The following LRFN2 variants were observed in gnomAD, a reference collection of about 807,000 sequenced individuals.
LRFN2 encodes the protein leucine-rich repeat and fibronectin type-III domain-containing protein 2.
In LRFN2, 18 loss-of-function variants were observed where a neutral mutation model predicts 37.3. The ratio of observed to expected loss-of-function variants is 0.48; its 90% CI spans 0.33 to 0.72. The LOEUF is 0.72. Among genes scored for constraint, LRFN2 ranks in the 30% least tolerant of loss-of-function variants. The pLI is 0.02. For synonymous variants in LRFN2, 556 were observed against 466.6 expected, an observed-to-expected ratio of 1.19 and a Z score of -2.47; for missense variants, 1,006 against 1,060.7, an observed-to-expected ratio of 0.95 and a Z score of 0.72.
chr6:40,523,988 TGGGAAGGGCAGGGGGAGG>T (rs1766168192), intron 1 of LRFN2: 1 of 9,410 alleles, frequency 1.1e-4, no homozygotes, highest in Non-Finnish European at 1.7e-4. Context: ...GGGGAGGGGC[TGGGAAGGGCAGGGGGAGG>T]GGCTGGGGAG....
At chr6:40,534,758 T>G (rs60898) in intron 1 of LRFN2, among the ~76,000 whole-genome samples, 96,637 of 152,028 alleles carry the variant, frequency 0.64, 31,934 homozygotes, top group African/African-American at 0.82. Context: ...CTGGGCCCAG[T>G]CTTTGGGCAA....
intron 2 of LRFN2, among the ~76,000 whole-genome samples, chr6:40,404,209 T>C (rs1214571541): frequency 1.3e-5 from 2 of 152,346 alleles, no homozygotes; most frequent in East Asian, 1.9e-4. Context: ...TTTATTATGA[T>C]TACTGTTAAT....
intron 1 of LRFN2, among the ~76,000 whole-genome samples, chr6:40,566,982 T>C (rs770194221): frequency 6.6e-6 from 1 of 152,198 alleles, no homozygotes; most frequent in East Asian, 1.9e-4. Context: ...ACTTAAAGTA[T>C]GTTGACAGTA....
intron 1 of LRFN2, among the ~76,000 whole-genome samples, chr6:40,576,783 A>T (rs2113797579): frequency 6.6e-6 from 1 of 152,194 alleles, no homozygotes; most frequent in African/African-American, 2.4e-5. Context: ...CTCTAAGCAG[A>T]CAGTGGCTGG....
At chr6:40,450,550 C>G (rs1764080435) in intron 1 of LRFN2, among the ~76,000 whole-genome samples, 1 of 152,336 alleles carries the variant, frequency 6.6e-6, no homozygotes, top group South Asian at 2.1e-4. Context: ...TGCAACCGTG[C>G]TGGAAGCCTG....
chr6:40,414,210 AG>A (rs911002982), intron 2 of LRFN2, among the ~76,000 whole-genome samples: 1 of 152,134 alleles, frequency 6.6e-6, no homozygotes, highest in African/African-American at 2.4e-5. Flanking sequence ...CCTGCCTCCC[AG>A]GGGGCTATGA....
chr6:40,500,012 C>T (rs925071396), intron 1 of LRFN2, among the ~76,000 whole-genome samples: 4 of 152,270 alleles, frequency 2.6e-5, no homozygotes, highest in African/African-American at 9.6e-5. Context: ...TGGCTACTAC[C>T]TGCCTCCCAT....
chr6:40,454,282 G>A (rs1425123833), intron 1 of LRFN2, among the ~76,000 whole-genome samples: 1 of 152,142 alleles, frequency 6.6e-6, no homozygotes, highest in Non-Finnish European at 1.5e-5. Flanking sequence ...GTGCAAATTA[G>A]ACAAATTCTT....
At chr6:40,418,689 G>A (rs1763150516) in intron 2 of LRFN2, among the ~76,000 whole-genome samples, 1 of 152,154 alleles carries the variant, frequency 6.6e-6, no homozygotes, top group African/African-American at 2.4e-5. Flanking sequence ...CTGCCTCCAA[G>A]CTGTGAGACC....
chr6:40,499,200 T>C (rs1183030114), intron 1 of LRFN2, among the ~76,000 whole-genome samples: 1 of 152,118 alleles, frequency 6.6e-6, no homozygotes, highest in Non-Finnish European at 1.5e-5. Context: ...CCCTCCCTAT[T>C]GGGCCCATGG....
At chr6:40,492,269 G>A (rs896578568) in intron 1 of LRFN2, among the ~76,000 whole-genome samples, 23 of 152,166 alleles carry the variant, frequency 1.5e-4, no homozygotes, top group African/African-American at 5.1e-4. Flanking sequence ...TGAGTGAAGC[G>A]TGAAGGGCGG....
At chr6:40,443,762 G>T (rs1035500866) in intron 1 of LRFN2, among the ~76,000 whole-genome samples, 1 of 152,158 alleles carries the variant, frequency 6.6e-6, no homozygotes, top group East Asian at 1.9e-4. Flanking sequence ...AGAGAGATGT[G>T]GGCAGGGTGG....
intron 1 of LRFN2, among the ~76,000 whole-genome samples, chr6:40,542,642 G>A (rs1276840209): frequency 1.3e-5 from 2 of 152,118 alleles, no homozygotes; most frequent in African/African-American, 2.4e-5. Flanking sequence ...AGATACTAAA[G>A]GACCTTCACA....
At chr6:40,552,080 T>G (rs1462011274) in intron 1 of LRFN2, among the ~76,000 whole-genome samples, 1 of 152,230 alleles carries the variant, frequency 6.6e-6, no homozygotes, top group Non-Finnish European at 1.5e-5. Context: ...TATGTCTTTT[T>G]GTTTCATTCT....
chr6:40,450,696 G>C (rs528393043), intron 1 of LRFN2, among the ~76,000 whole-genome samples: 2 of 152,204 alleles, frequency 1.3e-5, no homozygotes, highest in Admixed American at 6.5e-5. Flanking sequence ...CATTTACTGA[G>C]AACTTACTAC....
intron 1 of LRFN2, among the ~76,000 whole-genome samples, chr6:40,495,613 T>C (rs1156477584): frequency 6.6e-6 from 1 of 152,156 alleles, no homozygotes; most frequent in East Asian, 1.9e-4. Flanking sequence ...TCCTGAAGCC[T>C]CCATCATCTA....
chr6:40,438,102 C>T (rs1028501407), intron 1 of LRFN2, among the ~76,000 whole-genome samples: 16 of 152,096 alleles, frequency 1.1e-4, no homozygotes, highest in South Asian at 8.3e-4. Context: ...TGCAAAGGAG[C>T]GAGAGCTTGT....
intron 1 of LRFN2, among the ~76,000 whole-genome samples, chr6:40,490,972 T>C (rs1029630458): frequency 1.3e-5 from 2 of 152,078 alleles, no homozygotes; most frequent in East Asian, 3.9e-4. Context: ...GGTATGTGCA[T>C]GGTGTGCAGG....
At chr6:40,442,650 CCCCT>C (rs1168941437) in intron 1 of LRFN2, among the ~76,000 whole-genome samples, 1 of 152,298 alleles carries the variant, frequency 6.6e-6, no homozygotes, top group East Asian at 1.9e-4. Flanking sequence ...GACTCTGTTT[CCCCT>C]CAGACTGGGG....
Sources: gnomAD v4.1 joint callset for allele counts (sites outside exome capture counted in the v4.1 genomes callset) on GRCh38, gnomAD v4.1.1 for gene constraint, MANE v1.5 for transcripts, NCBI Gene and HGNC (gene_info 2026-07-23, HGNC 2026-07-21) for gene names.